The following CORO7 variants were observed in gnomAD, a reference collection of about 807,000 sequenced individuals.
CORO7 encodes the protein coronin-7.
Under a neutral mutation model 126.6 loss-of-function variants are expected in CORO7, and 107 were observed. That is an observed-to-expected ratio of 0.85 (90% CI 0.72 to 0.99). CORO7 has a LOEUF of 0.99. Ranked by LOEUF, CORO7 falls within the 50% of genes least tolerant of loss-of-function variation. The probability of loss-of-function intolerance (pLI) is 0.00; values close to 1 mark genes in which losing one functional copy is unlikely to be tolerated. For synonymous variants in CORO7, 603 were observed against 536.8 expected (o/e 1.12, Z -1.70); for missense variants, 1,314 against 1,255.8 (o/e 1.05, Z -0.70).
chr16:4,362,004 C>G lies in CORO7; in HGVS notation c.1559G>C (p.Gly520Ala). The change falls in exon 16 of 28, where the codon GGA becomes GCA. Residue 520 changes from glycine (G) to alanine (A), a missense_variant. Gly to Ala is a moderately conservative substitution (Grantham distance 60). Transcript: ENST00000251166. This position sits in a 1 kb window ranked among gnomAD's most constrained non-coding sequence, Gnocchi z 5.3. Reference protein sequence around the residue: ...RVAVPLLSSGGQVAVLELRKP... With the variant: ...RVAVPLLSSGAQVAVLELRKP... Reference sequence around the variant, plus strand: ...CCTCACCTCAAGCACAGCCACCTGTCCCCCGCTGCTGAGCAGCGGCACGGC... The same window carrying G: ...CCTCACCTCAAGCACAGCCACCTGTGCCCCGCTGCTGAGCAGCGGCACGGC... 1 of 1,609,738 alleles carries G rather than the reference C, an allele frequency of 6.2e-7. No individual in the cohort carries two copies. Among genetic ancestry groups the G allele is most frequent in the Non-Finnish European group, 8.5e-7 (1 of 1,178,382 alleles).
chr16:4,407,880 G>A (rs2056064615), intron 4 of CORO7, among the ~76,000 whole-genome samples, 196 bp from the exon 5 acceptor site: 1 of 152,204 alleles, frequency 6.6e-6, no homozygotes, highest in Admixed American at 6.5e-5. Flanking sequence ...AGAAAGGAGG[G>A]AGGGAATCTC....
At chr16:4,396,013 CACAA>C (rs1480461667) in intron 6 of CORO7, among the ~76,000 whole-genome samples, 1 of 75,944 alleles carries the variant, frequency 1.3e-5, no homozygotes, top group South Asian at 3.5e-4. Flanking sequence ...TGTGTGTGTA[CACAA>C]ACATTCATGC....
At chr16:4,395,202 C>A in intron 7 of CORO7, 87 bp downstream of exon 7, 1 of 1,594,814 alleles carries the variant, frequency 6.3e-7, no homozygotes, top group Non-Finnish European at 8.6e-7. Flanking sequence ...GGACCCCAGG[C>A]CTGCCCCTAC....
chr16:4,391,616 A>C (rs757593), intron 7 of CORO7, among the ~76,000 whole-genome samples: 96,973 of 152,156 alleles, frequency 0.64, 32,145 homozygotes, highest in East Asian at 0.77. Flanking sequence ...CTGTAGTCCC[A>C]GCTACCAGGG....
intron 9 of CORO7, chr16:4,381,863 A>T (rs564056884): frequency 6.2e-7 from 1 of 1,603,224 alleles, no homozygotes; most frequent in Admixed American, 1.7e-5. Flanking sequence ...ACGCGCTGCC[A>T]CTTCCCGCCC....
At position 4,362,853 on chromosome 16, in the gene CORO7, C is replaced by T; in HGVS notation, c.1276-115G>A. On this transcript the variant is annotated intron_variant, in intron 14 of 27. Transcript: ENST00000251166. The surrounding 1 kb of genome is among the most constrained non-coding windows in gnomAD (Gnocchi z 5.3). ...GGCCCCCTGCGGACTGGAGGAGCCCCCACTGTGGGCATGCGACAGGAGCGG... is the reference window on the plus strand; with the variant it reads ...GGCCCCCTGCGGACTGGAGGAGCCCTCACTGTGGGCATGCGACAGGAGCGG... 1.6e-6 allele frequency: 2 copies of T among 1,215,572 alleles called. No individual in the cohort carries two copies. Among genetic ancestry groups the T allele is most frequent in the East Asian group, 3.2e-5 (1 of 31,518 alleles). 75.3% of individuals were successfully genotyped at this position (1,215,572 alleles called of 1,614,324 possible).
intron 1 of CORO7, 21 bp downstream of exon 1, chr16:4,416,438 C>T (rs558159193): frequency 1.3e-6 from 2 of 1,558,618 alleles, no homozygotes; most frequent in South Asian, 2.3e-5. Context: ...CGACAGCGCC[C>T]GGTCCTCGGG....
chr16:4,382,271 C>A, intron 9 of CORO7: 1 of 1,608,868 alleles, frequency 6.2e-7, no homozygotes, highest in Non-Finnish European at 8.5e-7. Context: ...CGGTCCCTGA[C>A]CCTGGGCATC....
intron 14 of CORO7, chr16:4,363,365 G>C (rs1355926145): frequency 6.6e-6 from 1 of 151,892 alleles, no homozygotes; most frequent in African/African-American, 2.4e-5. Context: ...AGGAGTTCAA[G>C]ACCAGCCTGG....
In CORO7 at chr16:4,357,270, G is replaced by C; in HGVS notation, c.2594-11C>G. 1 of 1,609,726 alleles carries C rather than the reference G, an allele frequency of 6.2e-7. No homozygotes were observed. The highest frequency in any genetic ancestry group is 1.1e-5 in the South Asian group (1 of 90,844). On this transcript the variant is annotated splice_polypyrimidine_tract_variant and intron_variant, in intron 25 of 27. Transcript: ENST00000251166. ...GGGGGGCTTGGCTCACTGGGACAGA[G>C]CAAGGACACGTGTCAGAGAGTCCCC...
rs562396792 is a variant in CORO7, at chr16:4,389,621, C to T, written c.616-990G>A. Among the ~76,000 whole-genome samples the T allele has an allele frequency of 2.0e-5, 3 of 152,338 alleles. No homozygotes were observed. The South Asian group carries it at 6.2e-4, about 32-fold the overall frequency. ...TTCGAGGGGCTTTTCTCACTGTTCC[C>T]TTCCCACCAGGCTGTGGCCGGCACA... On this transcript the variant is annotated intron_variant, in intron 7 of 27. Transcript: ENST00000251166.
intron 19 of CORO7, among the ~76,000 whole-genome samples, 180 bp from the exon 20 acceptor site, chr16:4,360,728 CT>C (rs1279744984): frequency 2.1e-5 from 3 of 145,740 alleles, no homozygotes; most frequent in Non-Finnish European, 1.5e-5. Flanking sequence ...GCTGGCCCCC[CT>C]TCTCCTCAAT....
At chr16:4,364,216 A>ACACTCAGG in intron 14 of CORO7, 60 bp downstream of exon 14, 1 of 1,456,754 alleles carries the variant, frequency 6.9e-7, no homozygotes. Flanking sequence ...CAGCCGGTGA[A>ACACTCAGG]CACTCAGGGC....
intron 9 of CORO7, chr16:4,381,166 C>G (rs1259556103): frequency 6.2e-7 from 1 of 1,611,600 alleles, no homozygotes; most frequent in South Asian, 1.1e-5. Context: ...CGGGGTCTTC[C>G]AGCCACTCGC....
chr16:4,359,706 T>C, intron 21 of CORO7, 85 bp from the exon 22 acceptor site: 4 of 1,493,134 alleles, frequency 2.7e-6, no homozygotes, highest in East Asian at 2.3e-5. Flanking sequence ...TAGCCCCTGC[T>C]CTGTTCTGGG....
At chr16:4,388,473 T>A in intron 8 of CORO7, 72 bp downstream of exon 8, 1 of 1,535,638 alleles carries the variant, frequency 6.5e-7, no homozygotes, top group African/African-American at 1.4e-5. Flanking sequence ...TCCCATTGGT[T>A]TCGTCCCCGC....
intron 9 of CORO7, among the ~76,000 whole-genome samples, chr16:4,379,538 A>G (rs1442626633): frequency 6.6e-6 from 1 of 152,120 alleles, no homozygotes; most frequent in African/African-American, 2.4e-5. Context: ...TGGCACCGCA[A>G]TGGCAGCGAG....
At chr16:4,358,604 A>C in intron 23 of CORO7, 121 bp from the exon 24 acceptor site, 1 of 863,060 alleles carries the variant, frequency 1.2e-6, no homozygotes, top group Non-Finnish European at 1.7e-6. Context: ...CTGTCCCTGG[A>C]CAGTAACGTG....
rs776088019 is a variant in CORO7, at chr16:4,355,274, C to G, written c.2772+12G>C. 2 of 1,613,276 alleles carry G rather than the reference C, an allele frequency of 1.2e-6. No homozygotes were observed. The highest frequency in any genetic ancestry group is 1.7e-5 in the Admixed American group (1 of 59,970). On this transcript the variant is annotated intron_variant, in intron 27 of 27. Coordinates refer to ENST00000251166, the MANE Select transcript of CORO7 (RefSeq NM_024535.5). ...CGCTGCCTGCCGGGAAGTGAGGCCA[C>G]TCACTACTCACCCACTCGTCCTCGT... is the stretch of plus-strand genomic sequence containing the variant.
Sources: gnomAD v4.1 joint callset for allele counts (sites outside exome capture counted in the v4.1 genomes callset) on GRCh38, gnomAD v4.1.1 for gene constraint, Gnocchi (gnomAD v3.1) non-coding constraint, MANE v1.5 for transcripts, NCBI Gene and HGNC (gene_info 2026-07-23, HGNC 2026-07-21) for gene names.